ZPLD1: variants seen among roughly 807,000 people sequenced by gnomAD.
ZPLD1 encodes zona pellucida-like domain-containing protein 1.
ZPLD1 carries 34 observed loss-of-function variants against 47.2 expected under a neutral mutation model. The ratio of observed to expected loss-of-function variants is 0.72; its 90% CI spans 0.55 to 0.96. ZPLD1 has a LOEUF of 0.96. Among genes scored for constraint, ZPLD1 ranks in the 40% least tolerant of loss-of-function variants. The pLI is 0.00. For missense variants in ZPLD1, 512 were observed against 505.8 expected, an observed-to-expected ratio of 1.01 and a Z score of -0.12; for synonymous variants, 176 against 186.2, an observed-to-expected ratio of 0.95 and a Z score of 0.45.
At chr3:102,430,692 A>G (rs1041872594), upstream of ZPLD1, among the ~76,000 whole-genome samples, 2 of 152,200 alleles carry the variant, frequency 1.3e-5, no homozygotes, top group African/African-American at 4.8e-5. Flanking sequence ...ATACATTTGA[A>G]TATCGGGGAG....
In ZPLD1 at chr3:102,453,101, A is replaced by G. The variant is rs1432947468; in HGVS notation, c.289A>G (p.Asn97Asp). ...TFPAVVIFII[N>D]LSTLEGCGNN... is the part of the protein sequence containing the mutation. ...TCCAGCAGTGGTCATTTTTATCATCAATCTCAGCACCTTGGAGGGCTGTGG... is the reference window on the plus strand; with the variant it reads ...TCCAGCAGTGGTCATTTTTATCATCGATCTCAGCACCTTGGAGGGCTGTGG... Residue 97 changes from asparagine (N) to aspartate (D), a missense_variant, in exon 4 of 12, where the codon AAT becomes GAT. Asn to Asp is a conservative substitution (Grantham distance 23). Transcript: ENST00000466937. 1 of 1,614,082 alleles carries G rather than the reference A, an allele frequency of 6.2e-7. No individual in the cohort carries two copies. The highest frequency in any genetic ancestry group is 1.1e-5 in the South Asian group (1 of 91,086).
At chr3:102,441,163 C>T (rs1178893359) in intron 3 of ZPLD1, among the ~76,000 whole-genome samples, 1 of 152,054 alleles carries the variant, frequency 6.6e-6, no homozygotes, top group Non-Finnish European at 1.5e-5. Flanking sequence ...AAAATGATTG[C>T]TCAACAGAGA....
upstream of ZPLD1, among the ~76,000 whole-genome samples, chr3:102,432,710 G>A (rs1707030799): frequency 6.6e-6 from 1 of 151,828 alleles, no homozygotes; most frequent in South Asian, 2.1e-4. Flanking sequence ...AAAGGTTAAT[G>A]CAGATTTTTA....
At chr3:102,467,959 G>T (rs900173669) in intron 8 of ZPLD1, among the ~76,000 whole-genome samples, 6 of 150,536 alleles carry the variant, frequency 4.0e-5, no homozygotes, top group Non-Finnish European at 5.9e-5. Context: ...ATACATAAAA[G>T]AACTCATAAG....
intron 3 of ZPLD1, among the ~76,000 whole-genome samples, chr3:102,446,258 T>C (rs529919232): frequency 6.6e-6 from 1 of 152,294 alleles, no homozygotes; most frequent in South Asian, 2.1e-4. Flanking sequence ...AGACCCACAG[T>C]TAAAGTGAGA....
At chr3:102,436,573 C>T (rs1310762742) in intron 1 of ZPLD1, among the ~76,000 whole-genome samples, 1 of 152,068 alleles carries the variant, frequency 6.6e-6, no homozygotes, top group Admixed American at 6.5e-5. Flanking sequence ...ATCAGAAAGA[C>T]TTAGGGTTGA....
chr3:102,426,131 TGC>T (rs2107310268), intron 8 of ZPLD1, among the ~76,000 whole-genome samples: 1 of 130,608 alleles, frequency 7.7e-6, no homozygotes, highest in South Asian at 2.3e-4. Flanking sequence ...CACACACACA[TGC>T]ACACACACAC....
At chr3:102,425,691 A>G (rs1259570871) in intron 8 of ZPLD1, among the ~76,000 whole-genome samples, 1 of 152,040 alleles carries the variant, frequency 6.6e-6, no homozygotes, top group Non-Finnish European at 1.5e-5. Context: ...AACTTTGACT[A>G]TGGTAGGGAT....
chr3:102,445,065 C>A (rs1446587064), intron 3 of ZPLD1, among the ~76,000 whole-genome samples: 2 of 152,144 alleles, frequency 1.3e-5, no homozygotes, highest in Non-Finnish European at 2.9e-5. Flanking sequence ...GCCAGAAATG[C>A]TTTTTTATGA....
chr3:102,465,895 A>C (rs978815647), intron 8 of ZPLD1, among the ~76,000 whole-genome samples: 1 of 152,134 alleles, frequency 6.6e-6, no homozygotes, highest in African/African-American at 2.4e-5. Context: ...CAAGGAAGAA[A>C]AGTGGGTGCT....
chr3:102,467,042 A>C (rs965773336), intron 8 of ZPLD1, among the ~76,000 whole-genome samples: 1 of 152,130 alleles, frequency 6.6e-6, no homozygotes, highest in African/African-American at 2.4e-5. Context: ...CATAGAAATA[A>C]AATTTAAAAA....
chr3:102,462,824 T>TA (rs1003905968), intron 7 of ZPLD1, among the ~76,000 whole-genome samples: 6 of 152,120 alleles, frequency 3.9e-5, no homozygotes, highest in South Asian at 2.1e-4. Context: ...AACATCTCTA[T>TA]AAAAAAACTA....
At chr3:102,434,728 A>G (rs1707060729), upstream of ZPLD1, among the ~76,000 whole-genome samples, 1 of 152,118 alleles carries the variant, frequency 6.6e-6, no homozygotes, top group African/African-American at 2.4e-5. Flanking sequence ...CTTGTAAACC[A>G]CTATTAAAAT....
In ZPLD1 at chr3:102,457,766, C is replaced by G; in HGVS notation, c.510-15C>G. On this transcript the variant is annotated splice_polypyrimidine_tract_variant and intron_variant, in intron 5 of 11. Coordinates refer to ENST00000466937, the MANE Select transcript of ZPLD1 (RefSeq NM_001329788.2). ...AAATCTCATCAGTGCTTTCCTTTTT[C>G]TAAATGTGTTTTAGGTCCTCAGCGG... is the stretch of plus-strand genomic sequence containing the variant. 6.2e-7 allele frequency: 1 copy of G among 1,613,174 alleles called. No homozygotes were observed. The highest frequency in any genetic ancestry group is 8.5e-7 in the Non-Finnish European group (1 of 1,179,500).
chr3:102,394,636 G>C (rs1706536806), intron 7 of ZPLD1, among the ~76,000 whole-genome samples: 1 of 152,120 alleles, frequency 6.6e-6, no homozygotes, highest in South Asian at 2.1e-4. Flanking sequence ...TTAAAATGGG[G>C]CTGGTAAAAT....
rs374071022 is a variant in ZPLD1, at chr3:102,420,933, A to G, written c.-9+2726A>G. 3.9e-5 allele frequency among the ~76,000 whole-genome samples: 6 copies of G among 152,100 alleles called. No homozygotes were observed. In the East Asian group the frequency reaches 7.7e-4, roughly 20 times the overall value. ...ATAATTTTGTTATTTCTACTGCTGT[A>G]TCTGTGAAAAATACAGATGCTAAAT... On this transcript the variant is annotated intron_variant, in intron 8 of 17. Coordinates refer to the ZPLD1 transcript ENST00000491959.
intron 6 of ZPLD1, among the ~76,000 whole-genome samples, chr3:102,385,871 A>G (rs1479920122): frequency 6.6e-6 from 1 of 152,232 alleles, no homozygotes; most frequent in Non-Finnish European, 1.5e-5. Flanking sequence ...CACTTAAAAC[A>G]GGGCAATAGC....
intron 8 of ZPLD1, among the ~76,000 whole-genome samples, chr3:102,420,088 AT>A (rs1159188563): frequency 2.6e-5 from 4 of 151,878 alleles, no homozygotes; most frequent in Non-Finnish European, 4.4e-5. Flanking sequence ...ACTGCTGATT[AT>A]TATTAGATGT....
Position 102,443,859 on chromosome 3 carries a change from G to C in ZPLD1, c.106+5266G>C, listed in dbSNP as rs189651066. Among the ~76,000 whole-genome samples, 22 of 152,302 alleles carry C rather than the reference G, an allele frequency of 1.4e-4. No homozygotes were observed. In the East Asian group the frequency reaches 4.2e-3, roughly 29 times the overall value. ...CTGGTTCTCTGTATAGAAAGGAAAGGCCAATTCTCCTTTATTCCTACTTTT... is the reference window on the plus strand; with the variant it reads ...CTGGTTCTCTGTATAGAAAGGAAAGCCCAATTCTCCTTTATTCCTACTTTT... On this transcript the variant is annotated intron_variant, in intron 3 of 11. Transcript: ENST00000466937.
Sources: gnomAD v4.1 joint callset for allele counts (sites outside exome capture counted in the v4.1 genomes callset) on GRCh38, gnomAD v4.1.1 for gene constraint, MANE v1.5 for transcripts, NCBI Gene and HGNC (gene_info 2026-07-23, HGNC 2026-07-21) for gene names.